Variants in THPO observed in about 807,000 individuals in gnomAD.
THPO encodes thrombopoietin.
Under a neutral mutation model 17.0 loss-of-function variants are expected in THPO, and 12 were observed. The ratio of observed to expected loss-of-function variants is 0.71; its 90% CI spans 0.45 to 1.14. THPO has a LOEUF of 1.14. Among genes scored for constraint, THPO ranks in the 50% most tolerant of loss-of-function variants. THPO has a pLI of 0.00. For synonymous variants in THPO, 188 were observed against 183.0 expected, an observed-to-expected ratio of 1.03 and a Z score of -0.22; for missense variants, 365 against 427.5, an observed-to-expected ratio of 0.85 and a Z score of 1.29.
intron 4 of THPO, among the ~76,000 whole-genome samples, chr3:184,373,898 C>A (rs372233182): frequency 6.6e-6 from 1 of 152,202 alleles, no homozygotes; most frequent in Non-Finnish European, 1.5e-5. Flanking sequence ...CAAATTTACT[C>A]TTTCTGCTGC....
chr3:184,373,317 C>G (rs963438522), intron 5 of THPO, 98 bp downstream of exon 5: 11 of 1,566,194 alleles, frequency 7.0e-6, no homozygotes, highest in Non-Finnish European at 9.6e-6. Context: ...GCTCTTCTGC[C>G]CTTGAGCTCC....
upstream of THPO, among the ~76,000 whole-genome samples, chr3:184,379,049 C>T (rs1253274027): frequency 6.6e-6 from 1 of 152,142 alleles, no homozygotes; most frequent in Non-Finnish European, 1.5e-5. Context: ...GGCTTCCTGG[C>T]CTGACCTTGA....
At position 184,372,828 on chromosome 3, in the gene THPO, C is replaced by G. The variant is rs1003558136; in HGVS notation, c.747G>C (p.Arg249Ser). 5 of 1,614,086 alleles carry G rather than the reference C, an allele frequency of 3.1e-6. No individual in the cohort carries two copies. Among genetic ancestry groups the G allele is most frequent in the Non-Finnish European group, 4.2e-6 (5 of 1,180,024 alleles). ...GAGTTCCATTCAAGAGTTCGTGTAT[C>G]CTGTTCAGGTATCCGGGGATTTGGT... ...SLDQIPGYLNRIHELLNGTRG... is the reference protein window; with the variant it reads ...SLDQIPGYLNSIHELLNGTRG... The change falls in exon 6 of 6, where the codon AGG (arginine) becomes AGC (serine). Residue 249 changes from arginine (R) to serine (S), a missense_variant. By Grantham distance (110) the Arg-to-Ser change is moderately radical. Coordinates refer to ENST00000647395, the MANE Select transcript of THPO (RefSeq NM_000460.4).
chr3:184,378,090 TCCAGGAC>T lies in THPO; in HGVS notation c.-168_-162del. On this transcript the variant is annotated 5_prime_UTR_variant, in exon 1 of 6. An upstream open reading frame in the 5' UTR loses its in-frame stop. Transcript: ENST00000647395. ...GGCCACTCACCGGGTGGAGAAGGGCTCCAGGACCCAAGTGCACAGCAGGCAGCCCTCT... is the reference window on the plus strand; with the variant it reads ...GGCCACTCACCGGGTGGAGAAGGGCTCCAAGTGCACAGCAGGCAGCCCTCT... 1 of 985,588 alleles carries T rather than the reference TCCAGGAC, an allele frequency of 1.0e-6. No homozygotes were observed. The highest frequency in any genetic ancestry group is 1.2e-6 in the Non-Finnish European group (1 of 830,094). 61.1% of individuals were successfully genotyped at this position (985,588 alleles called of 1,614,324 possible).
At chr3:184,376,508 G>T in intron 1 of THPO, 104 bp from the exon 2 acceptor site, 2 of 1,251,712 alleles carry the variant, frequency 1.6e-6, no homozygotes, top group Non-Finnish European at 2.1e-6. Flanking sequence ...GACCAGCCTG[G>T]AACTGCCAAA....
At chr3:184,377,216 T>C (rs554578933) in intron 1 of THPO, among the ~76,000 whole-genome samples, 1 of 152,234 alleles carries the variant, frequency 6.6e-6, no homozygotes, top group East Asian at 1.9e-4. Context: ...AAGCTGTAAC[T>C]GGGACCACTA....
rs1057307936 is a variant in THPO at position 184,373,474 on chromosome 3, G to T, written c.337C>A (p.Gln113Lys). The T allele has an allele frequency of 1.2e-6, 2 of 1,614,022 alleles. No individual in the cohort carries two copies. Among genetic ancestry groups the T allele is most frequent in the African/African-American group, 2.7e-5 (2 of 74,892 alleles). ...AGGAGACGGACCTGTCCAGAAAGCTGCCCCAGGAGGGATGAGAGGCAAGTG... is the reference window on the plus strand; with the variant it reads ...AGGAGACGGACCTGTCCAGAAAGCTTCCCCAGGAGGGATGAGAGGCAAGTG... ...GPTCLSSLLG[Q>K]LSGQVRLLLG... Residue 113 changes from glutamine to lysine, a missense_variant, in exon 5 of 6, where the codon CAG (glutamine) becomes AAG (lysine). Coordinates refer to ENST00000647395, the MANE Select transcript of THPO (RefSeq NM_000460.4).
rs977348072 is a variant in THPO, at chr3:184,372,592, G to T, written c.983C>A (p.Ser328Tyr). The part of the protein sequence containing the change: ...VQLHPLLPDP[S>Y]APTPTPTSPL... ...GCTGGTAGGGGTGGGCGTTGGAGCA[G>T]AAGGGTCAGGAAGCAGGGGGTGGAG... is the stretch of plus-strand genomic sequence containing the variant. The change falls in exon 6 of 6, where the codon TCT becomes TAT. Residue 328 changes from serine (S) to tyrosine (Y), a missense_variant. Physicochemically the swap from Ser to Tyr is moderately radical, Grantham distance 144 (BLOSUM62 -2). Coordinates refer to ENST00000647395, the MANE Select transcript of THPO (RefSeq NM_000460.4). 1.2e-5 allele frequency: 19 copies of T among 1,613,988 alleles called. No homozygotes were observed. The highest frequency in any genetic ancestry group is 1.6e-5 in the Non-Finnish European group (19 of 1,180,004).
Position 184,375,999 on chromosome 3 carries a change from G to A in THPO, c.30C>T (p.Val10=), listed in dbSNP as rs1391668710. MELTELLLV[V]MLLLTARLTL... Reference sequence around the variant, plus strand: ...TTAGCCTTGCAGTTAGGAGAAGCATGACCACGAGGAGCAATTCTTAGATGA... The same window carrying A: ...TTAGCCTTGCAGTTAGGAGAAGCATAACCACGAGGAGCAATTCTTAGATGA... Residue 10 remains valine, a synonymous_variant, in exon 3 of 6, where the codon GTC becomes GTT. Transcript: ENST00000647395. 6.2e-7 allele frequency: 1 copy of A among 1,613,950 alleles called. No individual in the cohort carries two copies. Among genetic ancestry groups the A allele is most frequent in the Non-Finnish European group, 8.5e-7 (1 of 1,179,990 alleles).
At chr3:184,376,995 A>G (rs1332157384) in intron 1 of THPO, among the ~76,000 whole-genome samples, 1 of 152,206 alleles carries the variant, frequency 6.6e-6, no homozygotes, top group South Asian at 2.1e-4. Flanking sequence ...ATACACACAT[A>G]TCTTAATTAG....
chr3:184,374,693 G>A (rs10513797), intron 4 of THPO, among the ~76,000 whole-genome samples: 19,137 of 152,266 alleles, frequency 0.13, 1,454 homozygotes, highest in African/African-American at 0.22. Context: ...GATCCTTTTC[G>A]TAGGAAGTGC....
At position 184,372,831 on chromosome 3, in the gene THPO, G is replaced by T. The variant is rs1294757483; in HGVS notation, c.744C>A (p.Asn248Lys). Residue 248 changes from asparagine to lysine, a missense_variant, in exon 6 of 6, where the codon AAC becomes AAA. Coordinates refer to ENST00000647395, the MANE Select transcript of THPO (RefSeq NM_000460.4). ...RSLDQIPGYL[N>K]RIHELLNGTR... ...TTCCATTCAAGAGTTCGTGTATCCT[G>T]TTCAGGTATCCGGGGATTTGGTCCA... is the stretch of plus-strand genomic sequence containing the variant. 1 of 1,614,172 alleles carries T rather than the reference G, an allele frequency of 6.2e-7. No homozygotes were observed. The highest frequency in any genetic ancestry group is 1.1e-5 in the South Asian group (1 of 91,080).
In THPO at chr3:184,373,146, CT is replaced by C. The variant is rs776233219; in HGVS notation, c.428del (p.Lys143ArgfsTer8). On this transcript the variant is annotated frameshift_variant, in exon 6 of 6. Coordinates refer to ENST00000647395, the MANE Select transcript of THPO (RefSeq NM_000460.4). LOFTEE classifies it low-confidence loss of function (END_TRUNC). ...AGCTCAGGAAGATGGCATTGGGATC[CT>C]TGTGAGCTGTGGTCCTGCCCTGTGG... Reference protein sequence around the residue: ...LPPQGRTTAHKDPNAIFLSFQ... With the variant: ...LPPQGRTTAHXDPNAIFLSFQ... 6.2e-7 allele frequency: 1 copy of C among 1,612,958 alleles called. No homozygotes were observed. Among genetic ancestry groups the C allele is most frequent in the Non-Finnish European group, 8.5e-7 (1 of 1,179,998 alleles).
At chr3:184,373,655 G>C in intron 4 of THPO, 73 bp from the exon 5 acceptor site, 1 of 1,527,916 alleles carries the variant, frequency 6.5e-7, no homozygotes, top group Non-Finnish European at 8.9e-7. Flanking sequence ...AGCCTTAGGA[G>C]TAGCCAGCAG....
upstream of THPO, chr3:184,378,263 C>T (rs547811539): frequency 2.9e-4 from 282 of 985,534 alleles, no homozygotes; most frequent in Middle Eastern, 1.0e-3. Flanking sequence ...GAAGTGACGC[C>T]TTCTCTTCCC....
In THPO at chr3:184,372,764, C is replaced by T. The variant is rs774126394; in HGVS notation, c.811G>A (p.Ala271Thr). 6.2e-6 allele frequency: 10 copies of T among 1,613,916 alleles called. No homozygotes were observed. In the South Asian group the frequency reaches 9.9e-5, roughly 16 times the overall value. Reference protein sequence around the residue: ...FPGPSRRTLGAPDISSGTSDT... With the variant: ...FPGPSRRTLGTPDISSGTSDT... The stretch of plus-strand genomic sequence containing the variant: ...GATGTTCCTGAGGAAATGTCCGGGG[C>T]TCCTAGGGTCCTGCGTGAGGGTCCA... The change falls in exon 6 of 6, where the codon GCC (alanine) becomes ACC (threonine). Residue 271 changes from alanine to threonine, a missense_variant. Physicochemically the swap from Ala to Thr is moderately conservative, Grantham distance 58. Coordinates refer to ENST00000647395, the MANE Select transcript of THPO (RefSeq NM_000460.4).
upstream of THPO, chr3:184,378,383 G>C: frequency 1.0e-6 from 1 of 985,594 alleles, no homozygotes. Flanking sequence ...GGGACCTGGA[G>C]GGGGACAGGA....
In THPO at chr3:184,373,768, A is replaced by G. The variant is rs769767129; in HGVS notation, c.229-186T>C. 8.6e-4 allele frequency among the ~76,000 whole-genome samples: 131 copies of G among 151,914 alleles called. 1 individual carries two copies. The highest frequency in any genetic ancestry group is 1.5e-4 in the Non-Finnish European group (10 of 67,978). On this transcript the variant is annotated intron_variant, in intron 4 of 5. Transcript: ENST00000647395. ...GCTGGTCATCAGCCTCTGCTTCAAA[A>G]ACTCCCGTGTCCTCTAGTCCAGCCT...
At chr3:184,378,699 G>T, upstream of THPO, 1 of 688,186 alleles carries the variant, frequency 1.5e-6, no homozygotes, top group Non-Finnish European at 1.8e-6. Flanking sequence ...CGGGTTGAGT[G>T]GACTGTCAGG....
Sources: allele counts gnomAD v4.1 joint callset (sites outside exome capture counted in the v4.1 genomes callset), GRCh38; gene constraint gnomAD v4.1.1; transcripts MANE v1.5; gene names NCBI Gene and HGNC (gene_info 2026-07-23, HGNC 2026-07-21).